Variants in LGR5 observed in about 807,000 individuals in gnomAD.
LGR5 encodes the protein leucine-rich repeat-containing G protein-coupled receptor 5.
In LGR5, 54 loss-of-function variants were observed where a neutral mutation model predicts 76.7. The observed-to-expected ratio is 0.70, with a 90% CI of 0.57 to 0.88. The LOEUF is 0.88. Ranked by LOEUF, LGR5 falls within the 40% of genes least tolerant of loss-of-function variation. LGR5 has a pLI of 0.00. For missense variants in LGR5, 1,078 were observed against 1,073.3 expected (o/e 1.00, Z -0.06); for synonymous variants, 406 against 421.9 (o/e 0.96, Z 0.46).
At chr12:71,497,693 T>C (rs1246768630) in intron 1 of LGR5, among the ~76,000 whole-genome samples, 1 of 152,210 alleles carries the variant, frequency 6.6e-6, no homozygotes, top group Non-Finnish European at 1.5e-5. Context: ...TTGTCAAAGG[T>C]ATCTGGCAGA....
rs769908352 is a variant in LGR5, at chr12:71,440,209, C to G, written c.129C>G (p.Asp43Glu). 15 of 1,612,924 alleles carry G rather than the reference C, an allele frequency of 9.3e-6. 1 individual carries two copies. The highest frequency in any genetic ancestry group is 1.2e-5 in the Non-Finnish European group (14 of 1,179,752). The change falls in exon 1 of 18, where the codon GAC becomes GAG. Residue 43 changes from aspartate (D) to glutamate (E), a missense_variant. Physicochemically the swap from Asp to Glu is conservative, Grantham distance 45. Transcript: ENST00000266674. The surrounding 1 kb of genome is among the most constrained non-coding windows in gnomAD (Gnocchi z 5.3). Reference sequence around the variant, plus strand: ...CCACACACTGTCATTGCGAGCCCGACGGCAGGATGTTGCTCAGGGTGGACT... The same window carrying G: ...CCACACACTGTCATTGCGAGCCCGAGGGCAGGATGTTGCTCAGGGTGGACT... Reference protein sequence around the residue: ...GCPTHCHCEPDGRMLLRVDCS... With the variant: ...GCPTHCHCEPEGRMLLRVDCS...
At chr12:71,571,772 A>T (rs1009931582) in intron 12 of LGR5, among the ~76,000 whole-genome samples, 193 bp downstream of exon 12, 3 of 152,168 alleles carry the variant, frequency 2.0e-5, no homozygotes, top group African/African-American at 7.2e-5. Context: ...TTTTTCATGC[A>T]CTGTACCATA....
intron 4 of LGR5, among the ~76,000 whole-genome samples, chr12:71,552,128 A>G (rs1877515157): frequency 6.6e-6 from 1 of 152,098 alleles, no homozygotes; most frequent in South Asian, 2.1e-4. Context: ...ACAAATACCT[A>G]ATGCATGTGG....
chr12:71,579,185 G>T (rs1878989857), intron 15 of LGR5, among the ~76,000 whole-genome samples: 1 of 152,060 alleles, frequency 6.6e-6, no homozygotes, highest in African/African-American at 2.4e-5. Context: ...GAAAACAATT[G>T]ATCCATGGAA....
At chr12:71,494,675 G>C (rs547864011) in intron 1 of LGR5, among the ~76,000 whole-genome samples, 54 of 151,024 alleles carry the variant, frequency 3.6e-4, no homozygotes, top group Non-Finnish European at 6.8e-4. Flanking sequence ...GGAGTCCCAG[G>C]CTCCTTAGAT....
intron 8 of LGR5, among the ~76,000 whole-genome samples, chr12:71,565,486 T>C (rs1219484458): frequency 6.7e-6 from 1 of 150,144 alleles, no homozygotes; most frequent in East Asian, 1.9e-4. Context: ...TATATATATA[T>C]ATAACACATA....
At chr12:71,502,768 A>T (rs1874667582) in intron 1 of LGR5, among the ~76,000 whole-genome samples, 1 of 152,194 alleles carries the variant, frequency 6.6e-6, no homozygotes. Flanking sequence ...CAGAGAGTGA[A>T]TGCTTGCATA....
chr12:71,512,240 T>C (rs1238973923), intron 2 of LGR5, among the ~76,000 whole-genome samples: 2 of 152,176 alleles, frequency 1.3e-5, no homozygotes, highest in Non-Finnish European at 2.9e-5. Context: ...TCCACCTGCC[T>C]TGACCTCCCA....
chr12:71,582,155 A>G (rs923181083), intron 16 of LGR5: 14 of 290,526 alleles, frequency 4.8e-5, no homozygotes, highest in Non-Finnish European at 8.0e-5. Flanking sequence ...GCCTCCTCTA[A>G]TTTAGCTCTG....
At chr12:71,541,031 T>C (rs1485791115) in intron 4 of LGR5, among the ~76,000 whole-genome samples, 1 of 152,202 alleles carries the variant, frequency 6.6e-6, no homozygotes, top group Non-Finnish European at 1.5e-5. Flanking sequence ...GGAGGTGAAC[T>C]TAGAAGTTCT....
intron 16 of LGR5, among the ~76,000 whole-genome samples, chr12:71,581,504 A>G (rs1879090804): frequency 1.3e-5 from 2 of 152,250 alleles, no homozygotes; most frequent in South Asian, 2.1e-4. Flanking sequence ...CAAAGCAAGT[A>G]TGATTCAGTC....
At chr12:71,483,921 G>T (rs1448460309) in intron 1 of LGR5, among the ~76,000 whole-genome samples, 2 of 152,076 alleles carry the variant, frequency 1.3e-5, no homozygotes, top group African/African-American at 4.8e-5. Flanking sequence ...TAAACCAGAG[G>T]TTTCTAGCTT....
chr12:71,579,835 T>C (rs1393506750), intron 15 of LGR5, among the ~76,000 whole-genome samples: 1 of 152,216 alleles, frequency 6.6e-6, no homozygotes, highest in Non-Finnish European at 1.5e-5. Flanking sequence ...ATCTTAAAAA[T>C]GCCACTCTAA....
intron 6 of LGR5, among the ~76,000 whole-genome samples, chr12:71,556,902 T>C (rs1037369050): frequency 2.6e-5 from 4 of 152,180 alleles, no homozygotes; most frequent in Non-Finnish European, 5.9e-5. Flanking sequence ...AGTGATAAAT[T>C]AGTTAGAATC....
chr12:71,518,961 C>T (rs149704285), intron 2 of LGR5, among the ~76,000 whole-genome samples: 6 of 152,278 alleles, frequency 3.9e-5, no homozygotes, highest in Non-Finnish European at 5.9e-5. Flanking sequence ...AACAAACCTG[C>T]ATATGTACCC....
intron 2 of LGR5, among the ~76,000 whole-genome samples, chr12:71,512,614 A>G (rs12822113): frequency 0.093 from 14,111 of 152,214 alleles, 701 homozygotes; most frequent in Non-Finnish European, 0.11. Context: ...CCCAACAGAC[A>G]AAGGCAGTCA....
intron 13 of LGR5, among the ~76,000 whole-genome samples, chr12:71,577,113 C>G (rs1377339223): frequency 6.6e-6 from 1 of 152,158 alleles, no homozygotes; most frequent in African/African-American, 2.4e-5. Context: ...CTTTTCTACA[C>G]TTAAGAAAAG....
intron 2 of LGR5, among the ~76,000 whole-genome samples, chr12:71,519,667 A>AC (rs1565714989): frequency 2.0e-5 from 3 of 151,784 alleles, no homozygotes; most frequent in African/African-American, 7.3e-5. Flanking sequence ...AACAAAAAAA[A>AC]CCACAAAAAT....
intron 1 of LGR5, among the ~76,000 whole-genome samples, chr12:71,447,636 A>G (rs1013994675): frequency 1.3e-5 from 2 of 152,168 alleles, no homozygotes; most frequent in Admixed American, 6.5e-5. Flanking sequence ...TCAAACAAGG[A>G]CTGTGATGGC....
Sources: allele counts gnomAD v4.1 joint callset (sites outside exome capture counted in the v4.1 genomes callset), GRCh38; gene constraint gnomAD v4.1.1; non-coding constraint Gnocchi (gnomAD v3.1); transcripts MANE v1.5; gene names NCBI Gene and HGNC (gene_info 2026-07-23, HGNC 2026-07-21).